The following TMCO4 variants were observed in gnomAD, a reference collection of about 807,000 sequenced individuals.
The protein encoded by TMCO4 is transmembrane and coiled-coil domains 4, also known as transmembrane and coiled-coil domain-containing protein 4.
TMCO4 carries 58 observed loss-of-function variants against 64.7 expected under a neutral mutation model. That is an observed-to-expected ratio of 0.90 (90% CI 0.73 to 1.12). The LOEUF is 1.12. Ranked by LOEUF, TMCO4 falls within the 50% of genes most tolerant of loss-of-function variation. The pLI is 0.00. For synonymous variants in TMCO4, 325 were observed against 346.1 expected (o/e 0.94, Z 0.68); for missense variants, 780 against 825.9 (o/e 0.94, Z 0.68).
Position 19,786,841 on chromosome 1 carries a change from G to A in TMCO4, c.-9+185C>T, listed in dbSNP as rs748344285. ...CATAAATGAATATTGACCTCTTAACGGGTTAAATGAATCTAATAAACACGT... is the reference window on the plus strand; with the variant it reads ...CATAAATGAATATTGACCTCTTAACAGGTTAAATGAATCTAATAAACACGT... On this transcript the variant is annotated intron_variant, in intron 3 of 15. Coordinates refer to ENST00000294543, the MANE Select transcript of TMCO4 (RefSeq NM_181719.7). Among the ~76,000 whole-genome samples, 8 of 152,042 alleles carry A rather than the reference G, an allele frequency of 5.3e-5. No individual in the cohort carries two copies. In the South Asian group the frequency reaches 6.2e-4, roughly 12 times the overall value.
chr1:19,701,030 G>A, intron 13 of TMCO4, 145 bp from the exon 14 acceptor site: 1 of 653,944 alleles, frequency 1.5e-6, no homozygotes, highest in Non-Finnish European at 2.6e-6. Context: ...AAATGTGCAT[G>A]TACACACATG....
At chr1:19,686,925 T>C (rs2095153717) in intron 15 of TMCO4, among the ~76,000 whole-genome samples, 1 of 151,212 alleles carries the variant, frequency 6.6e-6, no homozygotes, top group South Asian at 2.1e-4. Flanking sequence ...TATGTTCCTA[T>C]ATGATCCAAA....
intron 12 of TMCO4, among the ~76,000 whole-genome samples, chr1:19,738,034 G>C (rs184289568): frequency 6.6e-6 from 1 of 152,258 alleles, no homozygotes; most frequent in African/African-American, 2.4e-5. Context: ...GTAAGAAAAG[G>C]TAACTGATCA....
chr1:19,700,119 C>T (rs987124958), intron 14 of TMCO4, among the ~76,000 whole-genome samples: 1 of 152,186 alleles, frequency 6.6e-6, no homozygotes, highest in Non-Finnish European at 1.5e-5. Flanking sequence ...TTCCCTCCTG[C>T]CCCAAAGTCT....
Position 19,734,847 on chromosome 1 carries a change from C to G in TMCO4, c.1264+2525G>C, listed in dbSNP as rs976546275. On this transcript the variant is annotated intron_variant, in intron 13 of 15. Coordinates refer to ENST00000294543, the MANE Select transcript of TMCO4 (RefSeq NM_181719.7). The surrounding 1 kb of genome is among the most constrained non-coding windows in gnomAD (Gnocchi z 4.4). ...CACCTCTCAGCCTCAGTTTTCTCAT[C>G]TGAAGCAGGGAGACTGGTGGAACCT... Among the ~76,000 whole-genome samples the G allele has an allele frequency of 6.6e-5, 10 of 152,192 alleles. No homozygotes were observed. Among genetic ancestry groups the G allele is most frequent in the African/African-American group, 1.9e-4 (8 of 41,452 alleles).
chr1:19,734,330 C>T lies in TMCO4; in HGVS notation c.1264+3042G>A, dbSNP rs545637205. ...GGCATTAGAGGCCCTTGGGGTCTGC[C>T]GAGTTGCTGCCGTGTGAGTGTGTGC... is the stretch of plus-strand genomic sequence containing the variant. On this transcript the variant is annotated intron_variant, in intron 13 of 15. Transcript: ENST00000294543. The surrounding 1 kb of genome is among the most constrained non-coding windows in gnomAD (Gnocchi z 4.4). Among the ~76,000 whole-genome samples, 7 of 151,952 alleles carry T rather than the reference C, an allele frequency of 4.6e-5. No individual in the cohort carries two copies. The highest frequency in any genetic ancestry group is 2.1e-4 in the South Asian group (1 of 4,804).
Position 19,745,583 on chromosome 1 carries a change from G to C in TMCO4, c.826C>G (p.Gln276Glu). 6.2e-7 allele frequency: 1 copy of C among 1,614,122 alleles called. No homozygotes were observed. The highest frequency in any genetic ancestry group is 8.5e-7 in the Non-Finnish European group (1 of 1,180,014). ...GTGACGGCGATGGTGATGTGCAGCT[G>C]CCTGCCCTCCGTCAGAGGCAGAAAC... is the stretch of plus-strand genomic sequence containing the variant. ...FTFLPLTEGR[Q>E]LHITIAVTGW... is the part of the protein sequence containing the mutation. The change falls in exon 10 of 16, where the codon CAG (glutamine) becomes GAG (glutamate). Residue 276 changes from glutamine (Q) to glutamate (E), a missense_variant. By Grantham distance (29) the Gln-to-Glu change is conservative (BLOSUM62 2). Coordinates refer to ENST00000294543, the MANE Select transcript of TMCO4 (RefSeq NM_181719.7).
chr1:19,704,357 A>T (rs2095291136), intron 13 of TMCO4, among the ~76,000 whole-genome samples: 1 of 152,172 alleles, frequency 6.6e-6, no homozygotes, highest in African/African-American at 2.4e-5. Flanking sequence ...GCCCTTAGAG[A>T]TCAACGCGAT....
intron 13 of TMCO4, among the ~76,000 whole-genome samples, chr1:19,703,161 T>C (rs1171486369): frequency 6.6e-6 from 1 of 152,192 alleles, no homozygotes; most frequent in Non-Finnish European, 1.5e-5. Context: ...TAAATGTCTG[T>C]CTCTATCAGG....
At chr1:19,782,561 GA>G (rs1021425882) in intron 3 of TMCO4, among the ~76,000 whole-genome samples, 1 of 151,718 alleles carries the variant, frequency 6.6e-6, no homozygotes, top group African/African-American at 2.4e-5. Flanking sequence ...AAGGAAGAAG[GA>G]AAAAAAGGGA....
intron 6 of TMCO4, among the ~76,000 whole-genome samples, chr1:19,765,189 T>C (rs527568700): frequency 8.5e-4 from 130 of 152,290 alleles, no homozygotes; most frequent in African/African-American, 2.6e-3. Context: ...AATGGAGTTT[T>C]GAAACTTACT....
rs1304132425 is a variant in TMCO4, at chr1:19,771,459, G to T, written c.203C>A (p.Ala68Glu). The T allele has an allele frequency of 6.2e-7, 1 of 1,613,962 alleles. No individual in the cohort carries two copies. The highest frequency in any genetic ancestry group is 1.3e-5 in the African/African-American group (1 of 74,928). Reference sequence around the variant, plus strand: ...CAACTCCAGCCACTGCACCAGGCCTGCCATGAACTCTGTGCAGAAGGAGCT... The same window carrying T: ...CAACTCCAGCCACTGCACCAGGCCTTCCATGAACTCTGTGCAGAAGGAGCT... Reference protein sequence around the residue: ...EHSSFCTEFMAGLVQWLELSE... With the variant: ...EHSSFCTEFMEGLVQWLELSE... The change falls in exon 5 of 16, where the codon GCA (alanine) becomes GAA (glutamate). Residue 68 changes from alanine to glutamate, a missense_variant. Coordinates refer to ENST00000294543, the MANE Select transcript of TMCO4 (RefSeq NM_181719.7).
At chr1:19,757,172 C>A (rs2042299108) in intron 6 of TMCO4, among the ~76,000 whole-genome samples, 1 of 151,616 alleles carries the variant, frequency 6.6e-6, no homozygotes, top group African/African-American at 2.4e-5. Context: ...GGGGGGGCGC[C>A]TGTAATTTCC....
At chr1:19,796,723 T>C (rs2044326599) in intron 2 of TMCO4, among the ~76,000 whole-genome samples, 1 of 152,018 alleles carries the variant, frequency 6.6e-6, no homozygotes, top group Non-Finnish European at 1.5e-5. Flanking sequence ...TACAGGTGCA[T>C]GCCACCATGC....
chr1:19,717,477 T>A (rs945719907), intron 13 of TMCO4, among the ~76,000 whole-genome samples: 1 of 152,208 alleles, frequency 6.6e-6, no homozygotes, highest in African/African-American at 2.4e-5. Flanking sequence ...AAGGTTCAAG[T>A]CAGGGCCTGA....
At chr1:19,718,689 T>A (rs1027031707) in intron 13 of TMCO4, among the ~76,000 whole-genome samples, 1 of 134,778 alleles carries the variant, frequency 7.4e-6, no homozygotes, top group Non-Finnish European at 1.6e-5. Flanking sequence ...ATGCAACACC[T>A]GGTTGCCAGT....
At chr1:19,791,349 AAAG>A (rs1445061103) in intron 2 of TMCO4, among the ~76,000 whole-genome samples, 1 of 152,122 alleles carries the variant, frequency 6.6e-6, no homozygotes, top group Non-Finnish European at 1.5e-5. Flanking sequence ...AAAAAAAGGA[AAAG>A]AAAATAGCAA....
At chr1:19,755,293 T>C (rs1314027093) in intron 7 of TMCO4, among the ~76,000 whole-genome samples, 1 of 152,152 alleles carries the variant, frequency 6.6e-6, no homozygotes, top group Non-Finnish European at 1.5e-5. Context: ...GCCCGGCTAA[T>C]TTTTGTATTT....
Position 19,694,547 on chromosome 1 carries a change from C to A in TMCO4, c.1387G>T (p.Asp463Tyr), listed in dbSNP as rs2095222782. 1 of 1,613,830 alleles carries A rather than the reference C, an allele frequency of 6.2e-7. No homozygotes were observed. The highest frequency in any genetic ancestry group is 1.3e-5 in the African/African-American group (1 of 74,944). ...GRIINGYCRGDWLLSFVYRTS... is the reference protein window; with the variant it reads ...GRIINGYCRGYWLLSFVYRTS... ...CGGTACACGAAACTCAGCAGCCAGT[C>A]TCCCCTGTGGGAGGGTAGAGAAGCA... Residue 463 changes from aspartate to tyrosine, a missense_variant, in exon 15 of 16, where the codon GAC (aspartate) becomes TAC (tyrosine). Asp to Tyr is a radical substitution (Grantham distance 160). Coordinates refer to ENST00000294543, the MANE Select transcript of TMCO4 (RefSeq NM_181719.7).
Sources: gnomAD v4.1 joint callset for allele counts (sites outside exome capture counted in the v4.1 genomes callset) on GRCh38, gnomAD v4.1.1 for gene constraint, Gnocchi (gnomAD v3.1) non-coding constraint, MANE v1.5 for transcripts, NCBI Gene and HGNC (gene_info 2026-07-23, HGNC 2026-07-21) for gene names.